Variants in STAG1 observed in about 807,000 individuals in gnomAD.
STAG1 encodes cohesin subunit SA-1.
STAG1 carries 26 observed loss-of-function variants against 170.9 expected under a neutral mutation model. That is an observed-to-expected ratio of 0.15 (90% CI 0.11 to 0.21). The LOEUF (loss-of-function observed/expected upper bound fraction) is 0.21. Ranked by LOEUF, STAG1 falls within the 10% of genes least tolerant of loss-of-function variation. The pLI is 1.00. For missense variants in STAG1, 964 were observed against 1,509.5 expected (o/e 0.64, Z 5.99); for synonymous variants, 514 against 497.7 (o/e 1.03, Z -0.44).
At chr3:136,648,974 C>T (rs1029621088) in intron 1 of STAG1, among the ~76,000 whole-genome samples, 1 of 152,132 alleles carries the variant, frequency 6.6e-6, no homozygotes, top group South Asian at 2.1e-4. Flanking sequence ...TATTCCAATT[C>T]CTAAACATAG....
Position 136,489,849 on chromosome 3 carries a change from A to G in STAG1, c.902+10374T>C, listed in dbSNP as rs541851423. Among the ~76,000 whole-genome samples the G allele has an allele frequency of 1.4e-4, 21 of 152,320 alleles. No individual in the cohort carries two copies. The South Asian group carries it at 3.5e-3, about 26-fold the overall frequency. ...ACCTTAGCGAGTGCTGAAAGTTAGTAAAGAGTGTTACAGAGAACACAGAAG... is the reference window on the plus strand; with the variant it reads ...ACCTTAGCGAGTGCTGAAAGTTAGTGAAGAGTGTTACAGAGAACACAGAAG... On this transcript the variant is annotated intron_variant, in intron 9 of 33. Coordinates refer to ENST00000383202, the MANE Select transcript of STAG1 (RefSeq NM_005862.3).
At chr3:136,638,784 C>A (rs1940681115) in intron 1 of STAG1, among the ~76,000 whole-genome samples, 1 of 152,050 alleles carries the variant, frequency 6.6e-6, no homozygotes, top group Non-Finnish European at 1.5e-5. Flanking sequence ...CGCCCGTAAT[C>A]CTAACTACTC....
intron 3 of STAG1, among the ~76,000 whole-genome samples, chr3:136,618,632 AG>A (rs1467425936): frequency 6.6e-6 from 1 of 152,188 alleles, no homozygotes; most frequent in African/African-American, 2.4e-5. Context: ...AAGGTTAGAG[AG>A]GTGCTGATTT....
intron 1 of STAG1, among the ~76,000 whole-genome samples, chr3:136,705,245 A>G (rs1454068204): frequency 6.6e-6 from 1 of 152,144 alleles, no homozygotes; most frequent in Non-Finnish European, 1.5e-5. Context: ...ACGTGGTGGC[A>G]TGCGCCTATA....
At chr3:136,662,254 C>A (rs1325589476) in intron 1 of STAG1, among the ~76,000 whole-genome samples, 1 of 151,102 alleles carries the variant, frequency 6.6e-6, no homozygotes, top group East Asian at 2.0e-4. Flanking sequence ...TGGGTTCAAA[C>A]GATTCTCCTG....
chr3:136,736,523 T>C, intron 1 of STAG1: 5 of 1,450,634 alleles, frequency 3.4e-6, no homozygotes, highest in South Asian at 3.4e-5. Flanking sequence ...TTACTTTCGG[T>C]GGTCTCAGGA....
chr3:136,645,728 T>TCTAACTAA (rs1940983166), intron 1 of STAG1, among the ~76,000 whole-genome samples: 1 of 152,218 alleles, frequency 6.6e-6, no homozygotes. Flanking sequence ...TCCTACACTC[T>TCTAACTAA]GAATTCTCTT....
At chr3:136,598,640 AT>A (rs1293032901) in intron 4 of STAG1, among the ~76,000 whole-genome samples, 1 of 151,946 alleles carries the variant, frequency 6.6e-6, no homozygotes. Flanking sequence ...GTTACCCAGG[AT>A]GGTTTCGATC....
intron 13 of STAG1, among the ~76,000 whole-genome samples, chr3:136,454,662 G>A (rs1431122695): frequency 1.3e-5 from 2 of 152,120 alleles, no homozygotes; most frequent in Admixed American, 6.5e-5. Flanking sequence ...TTATGGGGAT[G>A]AGCCACCATG....
chr3:136,448,371 C>A (rs995338259), intron 14 of STAG1, among the ~76,000 whole-genome samples: 2 of 152,132 alleles, frequency 1.3e-5, no homozygotes, highest in East Asian at 3.9e-4. Flanking sequence ...TCCACATGAC[C>A]GGGGACGCCT....
intron 22 of STAG1, among the ~76,000 whole-genome samples, chr3:136,394,027 G>A (rs1383484951): frequency 2.0e-5 from 3 of 152,160 alleles, no homozygotes; most frequent in African/African-American, 7.2e-5. Context: ...TCAGCCTTCT[G>A]AGTAGCTGGG....
At chr3:136,500,353 A>G in intron 8 of STAG1, 57 bp from the exon 9 acceptor site, 1 of 1,204,578 alleles carries the variant, frequency 8.3e-7, no homozygotes, top group South Asian at 1.4e-5. Context: ...TGGAAGGAAC[A>G]GCTCCAATTG....
intron 22 of STAG1, among the ~76,000 whole-genome samples, chr3:136,382,296 A>G (rs539986760): frequency 4.9e-4 from 74 of 152,328 alleles, no homozygotes; most frequent in Non-Finnish European, 9.4e-4. Flanking sequence ...CAAAACATCT[A>G]AAGAGTAGTA....
At chr3:136,420,578 A>G (rs1349611869) in intron 20 of STAG1, among the ~76,000 whole-genome samples, 2 of 152,008 alleles carry the variant, frequency 1.3e-5, no homozygotes, top group South Asian at 2.1e-4. Flanking sequence ...CACTAAATCT[A>G]TTTTATCTTT....
chr3:136,355,478 C>T (rs1408710914), intron 28 of STAG1, among the ~76,000 whole-genome samples: 1 of 150,672 alleles, frequency 6.6e-6, no homozygotes, highest in Non-Finnish European at 1.5e-5. Context: ...TTGGAGACTT[C>T]AATATCCCAC....
chr3:136,648,008 G>A (rs1291167070), intron 1 of STAG1, among the ~76,000 whole-genome samples: 1 of 152,132 alleles, frequency 6.6e-6, no homozygotes, highest in Non-Finnish European at 1.5e-5. Context: ...TACAGATGAA[G>A]ACAGATTGTC....
At chr3:136,601,288 GAA>G (rs1212948748) in intron 4 of STAG1, among the ~76,000 whole-genome samples, 1 of 151,816 alleles carries the variant, frequency 6.6e-6, no homozygotes, top group Non-Finnish European at 1.5e-5. Context: ...TAAATTCATA[GAA>G]AAAAATGTGC....
intron 7 of STAG1, among the ~76,000 whole-genome samples, chr3:136,519,816 T>C (rs1371637719): frequency 6.6e-6 from 1 of 152,130 alleles, no homozygotes; most frequent in Non-Finnish European, 1.5e-5. Flanking sequence ...AGGAAGAAGA[T>C]ACTCTCAAAA....
chr3:136,517,156 C>G, intron 7 of STAG1, among the ~76,000 whole-genome samples: 1 of 152,234 alleles, frequency 6.6e-6, no homozygotes, highest in South Asian at 2.1e-4. Context: ...CCTCAGGAGT[C>G]TGAGAGTGAC....
Sources: gnomAD v4.1 joint callset for allele counts (sites outside exome capture counted in the v4.1 genomes callset) on GRCh38, gnomAD v4.1.1 for gene constraint, MANE v1.5 for transcripts, NCBI Gene and HGNC (gene_info 2026-07-23, HGNC 2026-07-21) for gene names.